Variants in SYNPR observed in about 807,000 individuals in gnomAD.
The protein encoded by SYNPR is synaptoporin.
Under a neutral mutation model 32.9 loss-of-function variants are expected in SYNPR, and 23 were observed. The observed-to-expected ratio is 0.70, with a 90% CI of 0.50 to 0.99. The LOEUF (loss-of-function observed/expected upper bound fraction) is 0.99, where lower values mean the gene tolerates loss of function less well. Among genes scored for constraint, SYNPR ranks in the 50% least tolerant of loss-of-function variants. The pLI is 0.00. For synonymous variants in SYNPR, 146 were observed against 135.9 expected (o/e 1.07, Z -0.52); for missense variants, 318 against 349.3 (o/e 0.91, Z 0.71).
chr3:63,616,337 C>T lies in SYNPR; in HGVS notation c.*856C>T, dbSNP rs1700278104. The T allele has an allele frequency of 1.3e-5, 2 of 151,988 alleles. No individual in the cohort carries two copies. The highest frequency in any genetic ancestry group is 4.8e-5 in the African/African-American group (2 of 41,362). 9.4% of individuals were successfully genotyped at this position (151,988 alleles called of 1,614,324 possible). A position where few individuals can be genotyped will look rare whatever the true frequency, so the allele number is the denominator to read the frequency against. ...TCTTGTGGACCATAAATAACACGGC[C>T]CAATAACTCTTTGTGTTTATGGAGT... On this transcript the variant is annotated 3_prime_UTR_variant, in exon 6 of 6. Coordinates refer to ENST00000478300, the MANE Select transcript of SYNPR (RefSeq NM_001130003.2).
intron 2 of SYNPR, among the ~76,000 whole-genome samples, chr3:63,292,916 T>G (rs1393004385): frequency 6.6e-6 from 1 of 152,180 alleles, no homozygotes; most frequent in Non-Finnish European, 1.5e-5. Context: ...GAAAGAATGA[T>G]TAGACCAGAG....
chr3:63,309,796 C>A (rs2086944735), intron 2 of SYNPR, among the ~76,000 whole-genome samples: 1 of 152,002 alleles, frequency 6.6e-6, no homozygotes. Context: ...ACTGCTTACT[C>A]CAGAGTTCTC....
chr3:63,397,350 A>T (rs1401466037), intron 2 of SYNPR, among the ~76,000 whole-genome samples: 1 of 152,204 alleles, frequency 6.6e-6, no homozygotes, highest in East Asian at 1.9e-4. Flanking sequence ...CAGAGAACTT[A>T]AAAAATCTTA....
intron 2 of SYNPR, among the ~76,000 whole-genome samples, chr3:63,337,835 T>A (rs2087315387): frequency 6.6e-6 from 1 of 152,014 alleles, no homozygotes; most frequent in Non-Finnish European, 1.5e-5. Context: ...CAAAAAAAGA[T>A]CAGTGGTTGC....
intron 2 of SYNPR, among the ~76,000 whole-genome samples, chr3:63,393,996 A>G (rs1200954919): frequency 6.6e-6 from 1 of 152,140 alleles, no homozygotes; most frequent in African/African-American, 2.4e-5. Flanking sequence ...TTTTATTACA[A>G]ATATTTTATA....
chr3:63,447,139 A>C (rs550220237), intron 2 of SYNPR, among the ~76,000 whole-genome samples: 2 of 152,348 alleles, frequency 1.3e-5, no homozygotes, highest in East Asian at 3.9e-4. Context: ...AGAGTTCTAA[A>C]TATACTAACG....
chr3:63,378,630 C>T (rs2087925239), intron 2 of SYNPR, among the ~76,000 whole-genome samples: 1 of 151,880 alleles, frequency 6.6e-6, no homozygotes, highest in Admixed American at 6.6e-5. Context: ...TTTAGTTATT[C>T]TCATTCCTTT....
At chr3:63,313,689 C>CTATATATATATAT (rs2086995044) in intron 2 of SYNPR, among the ~76,000 whole-genome samples, 1 of 82,918 alleles carries the variant, frequency 1.2e-5, no homozygotes, top group African/African-American at 6.0e-5. Context: ...ACATATATAT[C>CTATATATATATAT]CATATATATA....
At chr3:63,496,010 T>G (rs1453842879) in intron 3 of SYNPR, among the ~76,000 whole-genome samples, 3 of 152,174 alleles carry the variant, frequency 2.0e-5, no homozygotes, top group Non-Finnish European at 4.4e-5. Flanking sequence ...ACCTCCTTTG[T>G]GCAGAATGTC....
At chr3:63,456,163 G>A (rs2106643740) in intron 2 of SYNPR, among the ~76,000 whole-genome samples, 1 of 152,170 alleles carries the variant, frequency 6.6e-6, no homozygotes, top group East Asian at 1.9e-4. Flanking sequence ...TTATCTCCAT[G>A]ATTCAATTAC....
intron 4 of SYNPR, among the ~76,000 whole-genome samples, chr3:63,593,886 G>A (rs1699883438): frequency 6.6e-6 from 1 of 152,034 alleles, no homozygotes; most frequent in Admixed American, 6.6e-5. Flanking sequence ...TCCCTTGGCT[G>A]GTCTCCCCCA....
At chr3:63,210,304 T>C in the SYNPR span, among the ~76,000 whole-genome samples, 5 of 152,216 alleles carry the variant, frequency 3.3e-5, no homozygotes, top group East Asian at 9.6e-4. Flanking sequence ...GTGGTTTCTT[T>C]CCTCAAGGAG....
chr3:63,462,246 G>A (rs1253875586), intron 2 of SYNPR, among the ~76,000 whole-genome samples: 5 of 152,028 alleles, frequency 3.3e-5, no homozygotes. Flanking sequence ...TATCTGAGAA[G>A]ACCCCACTGT....
At chr3:63,470,120 G>T (rs909992121) in intron 2 of SYNPR, among the ~76,000 whole-genome samples, 24 of 152,102 alleles carry the variant, frequency 1.6e-4, no homozygotes, top group Non-Finnish European at 2.2e-4. Context: ...CTCCTTAGTG[G>T]TTACAACTAA....
At chr3:63,358,090 A>T (rs1342848402) in intron 2 of SYNPR, among the ~76,000 whole-genome samples, 1 of 152,172 alleles carries the variant, frequency 6.6e-6, no homozygotes, top group African/African-American at 2.4e-5. Context: ...GCTCCTTGAG[A>T]TTGGGCACTG....
intron 3 of SYNPR, among the ~76,000 whole-genome samples, chr3:63,542,656 T>C (rs1342198170): frequency 1.3e-5 from 2 of 152,118 alleles, no homozygotes; most frequent in Admixed American, 6.6e-5. Flanking sequence ...AGAGAATATC[T>C]AGGCAGTTTT....
chr3:63,532,126 T>C (rs1008305271), intron 3 of SYNPR, among the ~76,000 whole-genome samples: 7 of 152,202 alleles, frequency 4.6e-5, no homozygotes, highest in African/African-American at 1.7e-4. Flanking sequence ...AATATGAATT[T>C]TGTAGGCAAA....
intron 1 of SYNPR, among the ~76,000 whole-genome samples, chr3:63,237,569 C>T (rs2086208895): frequency 6.6e-6 from 1 of 152,032 alleles, no homozygotes; most frequent in South Asian, 2.1e-4. Flanking sequence ...TGTCTTCTCT[C>T]CTTCAAGTTG....
intron 4 of SYNPR, among the ~76,000 whole-genome samples, chr3:63,603,590 T>C (rs910216555): frequency 6.6e-6 from 1 of 152,202 alleles, no homozygotes; most frequent in African/African-American, 2.4e-5. Flanking sequence ...TTTCTGCATC[T>C]AATGAGATGA....
Sources: gnomAD v4.1 joint callset for allele counts (sites outside exome capture counted in the v4.1 genomes callset) on GRCh38, gnomAD v4.1.1 for gene constraint, MANE v1.5 for transcripts, NCBI Gene and HGNC (gene_info 2026-07-23, HGNC 2026-07-21) for gene names.